Variants in ERBB4 observed in about 807,000 individuals in gnomAD.
The protein encoded by ERBB4 is erb-b2 receptor tyrosine kinase 4.
ERBB4 carries 42 observed loss-of-function variants against 158.0 expected under a neutral mutation model. The ratio of observed to expected loss-of-function variants is 0.27; its 90% CI spans 0.21 to 0.34. The LOEUF (loss-of-function observed/expected upper bound fraction) is 0.34, where lower values mean the gene tolerates loss of function less well. Among genes scored for constraint, ERBB4 ranks in the 10% least tolerant of loss-of-function variants. The pLI is 1.00. For missense variants in ERBB4, 1,333 were observed against 1,624.1 expected, an observed-to-expected ratio of 0.82 and a Z score of 3.08; for synonymous variants, 583 against 558.7, an observed-to-expected ratio of 1.04 and a Z score of -0.61.
At chr2:212,494,878 A>G (rs1217819552) in intron 1 of ERBB4, among the ~76,000 whole-genome samples, 2 of 152,154 alleles carry the variant, frequency 1.3e-5, no homozygotes, top group Non-Finnish European at 2.9e-5. Flanking sequence ...AATCCCTATG[A>G]AATGCCCAGC....
chr2:211,631,555 T>C (rs2070133154), intron 16 of ERBB4, among the ~76,000 whole-genome samples: 1 of 152,200 alleles, frequency 6.6e-6, no homozygotes, highest in Non-Finnish European at 1.5e-5. Context: ...AATGTTTTTG[T>C]AATGTATTGT....
chr2:212,217,258 G>A (rs1251564038), intron 1 of ERBB4, among the ~76,000 whole-genome samples: 1 of 151,236 alleles, frequency 6.6e-6, no homozygotes, highest in Non-Finnish European at 1.5e-5. Context: ...GGTCTTCTGT[G>A]GAACTGATCA....
intron 2 of ERBB4, among the ~76,000 whole-genome samples, chr2:212,079,539 T>C (rs2078372968): frequency 6.7e-6 from 1 of 149,350 alleles, no homozygotes; most frequent in Non-Finnish European, 1.5e-5. Flanking sequence ...AACCTTTTAA[T>C]AACCATTTCA....
In ERBB4 at chr2:211,905,681, T is replaced by TATATATACAC. The variant is rs1480195605; in HGVS notation, c.421+41748_421+41749insGTGTATATAT. On this transcript the variant is annotated intron_variant, in intron 3 of 27. Transcript: ENST00000342788. ...ATATATATATATATATATATATATA[T>TATATATACAC]ACACACATATATGTGTGTGTATGTG... Among the ~76,000 whole-genome samples, 967 of 110,304 alleles carry TATATATACAC rather than the reference T, an allele frequency of 8.8e-3. 14 individuals are homozygous for TATATATACAC. Among genetic ancestry groups the TATATATACAC allele is most frequent in the Non-Finnish European group, 0.014 (772 of 55,232 alleles). The allele number at this position is 110,304 out of a possible 152,430, so 72.4% of individuals were successfully genotyped here.
intron 3 of ERBB4, among the ~76,000 whole-genome samples, chr2:211,843,935 A>G (rs935568595): frequency 5.9e-5 from 9 of 152,138 alleles, no homozygotes; most frequent in African/African-American, 2.2e-4. Context: ...TGAGTTTCAG[A>G]GGGGTCAAAT....
intron 25 of ERBB4, among the ~76,000 whole-genome samples, chr2:211,411,779 A>T (rs997121346): frequency 6.6e-6 from 1 of 152,178 alleles, no homozygotes; most frequent in Non-Finnish European, 1.5e-5. Flanking sequence ...CTACTAAAAC[A>T]TGCATCATTC....
At chr2:212,163,620 C>T (rs1437120814) in intron 1 of ERBB4, among the ~76,000 whole-genome samples, 1 of 151,978 alleles carries the variant, frequency 6.6e-6, no homozygotes, top group African/African-American at 2.4e-5. Context: ...TTTCAGGTGG[C>T]ACATGAAAAA....
chr2:212,407,847 A>G (rs2091391621), intron 1 of ERBB4, among the ~76,000 whole-genome samples: 1 of 152,034 alleles, frequency 6.6e-6, no homozygotes, highest in South Asian at 2.1e-4. Context: ...TAGACTTTAA[A>G]TGCATTAAGT....
At position 211,392,600 on chromosome 2, in the gene ERBB4, A is replaced by C. The variant is rs574881598; in HGVS notation, c.3136-4608T>G. ...CACACACACACACACACACACACAC[A>C]CCCCAATAATGACTCTATGATCCAG... On this transcript the variant is annotated intron_variant, in intron 25 of 27. Coordinates refer to ENST00000342788, the MANE Select transcript of ERBB4 (RefSeq NM_005235.3). 2.5e-3 allele frequency among the ~76,000 whole-genome samples: 333 copies of C among 133,634 alleles called. 1 individual carries two copies. The highest frequency in any genetic ancestry group is 5.3e-3 in the African/African-American group (191 of 35,998). The allele number at this position is 133,634 out of a possible 152,430, so 87.7% of individuals were successfully genotyped here.
intron 1 of ERBB4, among the ~76,000 whole-genome samples, chr2:212,387,601 A>G (rs774454184): frequency 1.1e-4 from 17 of 152,012 alleles, no homozygotes; most frequent in Admixed American, 3.3e-4. Context: ...TATTTTTAGT[A>G]GAGACGGGGT....
At chr2:212,329,559 G>A (rs1036031567) in intron 1 of ERBB4, among the ~76,000 whole-genome samples, 1 of 151,950 alleles carries the variant, frequency 6.6e-6, no homozygotes, top group Non-Finnish European at 1.5e-5. Context: ...CTCCACCCTG[G>A]CTATATGAGA....
chr2:211,965,700 T>C (rs546128240), intron 2 of ERBB4, among the ~76,000 whole-genome samples: 1 of 152,316 alleles, frequency 6.6e-6, no homozygotes, highest in Non-Finnish European at 1.5e-5. Context: ...TTCTGAATAA[T>C]TGATCTAACA....
intron 3 of ERBB4, among the ~76,000 whole-genome samples, chr2:211,871,173 C>G (rs893847202): frequency 6.6e-6 from 1 of 152,100 alleles, no homozygotes; most frequent in Non-Finnish European, 1.5e-5. Context: ...GGATAATACA[C>G]TGCATACAGA....
At chr2:212,303,168 T>C (rs2086683556) in intron 1 of ERBB4, among the ~76,000 whole-genome samples, 1 of 151,436 alleles carries the variant, frequency 6.6e-6, no homozygotes. Flanking sequence ...AACTGTCTTT[T>C]ATAGAAAGGG....
chr2:212,360,012 T>C (rs183200570), intron 1 of ERBB4, among the ~76,000 whole-genome samples: 75 of 151,818 alleles, frequency 4.9e-4, no homozygotes, highest in African/African-American at 1.7e-3. Flanking sequence ...TCAGAGAATA[T>C]CACATAACCT....
intron 1 of ERBB4, among the ~76,000 whole-genome samples, chr2:212,275,500 G>T (rs1022861300): frequency 6.6e-6 from 1 of 151,842 alleles, no homozygotes; most frequent in Non-Finnish European, 1.5e-5. Context: ...TTGTGGTTTT[G>T]ATTTGCATTT....
intron 1 of ERBB4, among the ~76,000 whole-genome samples, chr2:212,354,443 G>T (rs2089387470): frequency 6.6e-6 from 1 of 152,062 alleles, no homozygotes; most frequent in Non-Finnish European, 1.5e-5. Flanking sequence ...TCATGAGGTG[G>T]CCTACCAACT....
At chr2:211,966,264 C>T (rs760219194) in intron 2 of ERBB4, among the ~76,000 whole-genome samples, 5 of 151,968 alleles carry the variant, frequency 3.3e-5, no homozygotes, top group African/African-American at 4.8e-5. Context: ...TTTTTTGAGA[C>T]GGAGTCTAGC....
chr2:211,488,660 T>C (rs1574592102), intron 20 of ERBB4, among the ~76,000 whole-genome samples: 1 of 152,206 alleles, frequency 6.6e-6, no homozygotes, highest in Non-Finnish European at 1.5e-5. Flanking sequence ...ACACTGAATT[T>C]ATGGTATAAA....
Sources: allele counts gnomAD v4.1 joint callset (sites outside exome capture counted in the v4.1 genomes callset), GRCh38; gene constraint gnomAD v4.1.1; transcripts MANE v1.5; gene names NCBI Gene and HGNC (gene_info 2026-07-23, HGNC 2026-07-21).